ADAM17: variants seen among roughly 807,000 people sequenced by gnomAD.
ADAM17 encodes disintegrin and metalloproteinase domain-containing protein 17.
Under a neutral mutation model 96.7 loss-of-function variants are expected in ADAM17, and 39 were observed. That is an observed-to-expected ratio of 0.40 (90% CI 0.31 to 0.53). ADAM17 has a LOEUF of 0.53. Ranked by LOEUF, ADAM17 falls within the 20% of genes least tolerant of loss-of-function variation. The pLI is 0.44. For missense variants in ADAM17, 777 were observed against 1,013.2 expected, an observed-to-expected ratio of 0.77 and a Z score of 3.17; for synonymous variants, 344 against 359.2, an observed-to-expected ratio of 0.96 and a Z score of 0.48.
intron 1 of ADAM17, among the ~76,000 whole-genome samples, chr2:9,547,537 A>G (rs1665440731): frequency 1.3e-5 from 2 of 152,160 alleles, no homozygotes; most frequent in African/African-American, 4.8e-5. Flanking sequence ...AAGAAAGGAG[A>G]GGCCTTAGGT....
Position 9,494,750 on chromosome 2 carries a change from T to C in ADAM17, c.1801A>G (p.Lys601Glu). The change falls in exon 15 of 19, where the codon AAG becomes GAG. Residue 601 changes from lysine (K) to glutamate (E), a missense_variant. Coordinates refer to ENST00000310823, the MANE Select transcript of ADAM17 (RefSeq NM_003183.6). ...CACNETDNSC[K>E]VCCRDLSGRC... Reference sequence around the variant, plus strand: ...CCAGAAAGGTCCCTGCAGCACACCTTGCAGGAGTTGTCAGTTTCTGGAACA... The same window carrying C: ...CCAGAAAGGTCCCTGCAGCACACCTCGCAGGAGTTGTCAGTTTCTGGAACA... 6.2e-7 allele frequency: 1 copy of C among 1,614,038 alleles called. No individual in the cohort carries two copies. Among genetic ancestry groups the C allele is most frequent in the Admixed American group, 1.7e-5 (1 of 60,010 alleles).
chr2:9,546,408 T>C lies in ADAM17; in HGVS notation c.98-3123A>G, dbSNP rs11677126. Among the ~76,000 whole-genome samples the C allele has an allele frequency of 5.4e-3, 830 of 152,332 alleles. 9 individuals carry two copies. The highest frequency in any genetic ancestry group is 0.019 in the African/African-American group (778 of 41,586). ...TTACAAACTATAGTAAAAACAGTTC[T>C]TCCTTTGGAGCCAAACTGTAGCTAC... On this transcript the variant is annotated intron_variant, in intron 1 of 18. Coordinates refer to ENST00000310823, the MANE Select transcript of ADAM17 (RefSeq NM_003183.6).
chr2:9,524,671 A>C (rs1664447329), intron 6 of ADAM17, among the ~76,000 whole-genome samples: 2 of 152,190 alleles, frequency 1.3e-5, no homozygotes, highest in African/African-American at 4.8e-5. Flanking sequence ...GACAACTGCC[A>C]ACCCTATTCC....
chr2:9,493,648 A>T, intron 16 of ADAM17, 99 bp downstream of exon 16: 2 of 972,854 alleles, frequency 2.1e-6, no homozygotes, highest in Non-Finnish European at 1.6e-6. Flanking sequence ...TCCACCTTCT[A>T]CTGCAGAATT....
At chr2:9,553,070 GAAAA>G (rs796312841) in intron 1 of ADAM17, among the ~76,000 whole-genome samples, 1 of 149,970 alleles carries the variant, frequency 6.7e-6, no homozygotes, top group East Asian at 1.9e-4. Context: ...CAAACAAACT[GAAAA>G]AAAAAGTCAT....
intron 1 of ADAM17, among the ~76,000 whole-genome samples, chr2:9,554,766 G>GA (rs756992116): frequency 3.3e-5 from 5 of 152,104 alleles, no homozygotes; most frequent in African/African-American, 4.8e-5. Context: ...AATCTCTCTG[G>GA]AAAATCTAAT....
chr2:9,504,376 C>T (rs1211301137), intron 12 of ADAM17, among the ~76,000 whole-genome samples: 1 of 151,720 alleles, frequency 6.6e-6, no homozygotes, highest in African/African-American at 2.4e-5. Context: ...ACCTGGGAGG[C>T]GGAGATTGCA....
chr2:9,531,289 C>A (rs930103530), intron 4 of ADAM17, among the ~76,000 whole-genome samples: 2 of 151,716 alleles, frequency 1.3e-5, no homozygotes, highest in East Asian at 3.9e-4. Context: ...TGGGGGAGGC[C>A]AAGCATGGTG....
chr2:9,535,389 A>G (rs6721318), intron 4 of ADAM17, among the ~76,000 whole-genome samples: 9,751 of 152,302 alleles, frequency 0.064, 1,106 homozygotes, highest in African/African-American at 0.22. Context: ...TCAATGGAAG[A>G]GTGACCACAG....
intron 13 of ADAM17, among the ~76,000 whole-genome samples, chr2:9,498,331 C>G (rs1488429528): frequency 6.6e-6 from 1 of 152,044 alleles, no homozygotes; most frequent in Non-Finnish European, 1.5e-5. Context: ...TGTGCCCAGG[C>G]CAATAATGCC....
At position 9,526,586 on chromosome 2, in the gene ADAM17, G is replaced by T. The variant is rs186269475; in HGVS notation, c.620-342C>A. Among the ~76,000 whole-genome samples, 6 of 151,956 alleles carry T rather than the reference G, an allele frequency of 3.9e-5. No individual in the cohort carries two copies. In the East Asian group the frequency reaches 1.2e-3, roughly 30 times the overall value. On this transcript the variant is annotated intron_variant, in intron 5 of 18. Coordinates refer to ENST00000310823, the MANE Select transcript of ADAM17 (RefSeq NM_003183.6). The stretch of plus-strand genomic sequence containing the variant: ...CAAGGTGGGTGAATCACCTGAGGAC[G>T]GGAGTTCGAGACCAGCCTGGCCAAC...
At chr2:9,520,472 A>G (rs1053042393) in intron 8 of ADAM17, among the ~76,000 whole-genome samples, 11 of 152,294 alleles carry the variant, frequency 7.2e-5, no homozygotes, top group Admixed American at 2.0e-4. Flanking sequence ...CTATATTTCT[A>G]CTCTCCAATA....
At chr2:9,501,413 C>T (rs766848708) in intron 13 of ADAM17, among the ~76,000 whole-genome samples, 9 of 152,134 alleles carry the variant, frequency 5.9e-5, no homozygotes, top group Non-Finnish European at 1.0e-4. Context: ...TCTGTGACTA[C>T]ACAATGACAC....
At chr2:9,500,106 G>A (rs1393487059) in intron 13 of ADAM17, among the ~76,000 whole-genome samples, 3 of 152,126 alleles carry the variant, frequency 2.0e-5, no homozygotes, top group Admixed American at 6.5e-5. Context: ...AATGTTCACA[G>A]CAGCATTATT....
At chr2:9,495,483 C>T (rs1339511773) in intron 14 of ADAM17, among the ~76,000 whole-genome samples, 2 of 152,114 alleles carry the variant, frequency 1.3e-5, no homozygotes, top group African/African-American at 4.8e-5. Context: ...GAGGCCAAGG[C>T]GGACAGATCA....
chr2:9,548,233 G>A (rs1391249006), intron 1 of ADAM17, among the ~76,000 whole-genome samples: 1 of 152,136 alleles, frequency 6.6e-6, no homozygotes, highest in Non-Finnish European at 1.5e-5. Flanking sequence ...TTGGGAGGCT[G>A]AGGCATGAGA....
At chr2:9,518,405 G>A (rs562141029) in intron 8 of ADAM17, among the ~76,000 whole-genome samples, 158 bp from the exon 9 acceptor site, 1 of 152,150 alleles carries the variant, frequency 6.6e-6, no homozygotes, top group South Asian at 2.1e-4. Flanking sequence ...GCAGTGCTTT[G>A]CTCTTTCCCT....
intron 13 of ADAM17, among the ~76,000 whole-genome samples, chr2:9,497,820 G>T (rs1236603007): frequency 3.9e-5 from 6 of 151,974 alleles, no homozygotes; most frequent in African/African-American, 1.2e-4. Context: ...AGTTGATGTG[G>T]CCTCCCACTT....
chr2:9,504,285 A>G (rs1038025286), intron 12 of ADAM17, among the ~76,000 whole-genome samples: 2 of 148,932 alleles, frequency 1.3e-5, no homozygotes, highest in Non-Finnish European at 3.0e-5. Flanking sequence ...TCTCTACTAA[A>G]ATACAAAAAA....
Sources: gnomAD v4.1 joint callset for allele counts (sites outside exome capture counted in the v4.1 genomes callset) on GRCh38, gnomAD v4.1.1 for gene constraint, MANE v1.5 for transcripts, NCBI Gene and HGNC (gene_info 2026-07-23, HGNC 2026-07-21) for gene names.